The following JAKMIP3 variants were observed in gnomAD, a reference collection of about 807,000 sequenced individuals.
JAKMIP3 encodes Janus kinase and microtubule interacting protein 3, also known as janus kinase and microtubule-interacting protein 3.
In JAKMIP3, 58 loss-of-function variants were observed where a neutral mutation model predicts 118.5. That is an observed-to-expected ratio of 0.49 (90% CI 0.40 to 0.61). The LOEUF (loss-of-function observed/expected upper bound fraction) is 0.61, where lower values mean the gene tolerates loss of function less well. Among genes scored for constraint, JAKMIP3 ranks in the 20% least tolerant of loss-of-function variants. The pLI, the probability that JAKMIP3 is intolerant of heterozygous loss-of-function variation, is 0.00. For synonymous variants in JAKMIP3, 486 were observed against 451.2 expected (o/e 1.08, Z -0.98); for missense variants, 950 against 1,109.0 (o/e 0.86, Z 2.04).
intron 19 of JAKMIP3, among the ~76,000 whole-genome samples, chr10:132,159,749 G>C (rs12218809): frequency 1.5e-4 from 8 of 52,754 alleles, no homozygotes; most frequent in African/African-American, 5.7e-4. Flanking sequence ...ATACTGGGGG[G>C]GCCTCTTCCT....
At chr10:132,161,034 T>TCCCTGTGTGATGCTGGGGGCGTG (rs2058164347) in intron 19 of JAKMIP3, among the ~76,000 whole-genome samples, 1 of 107,600 alleles carries the variant, frequency 9.3e-6, no homozygotes, top group Non-Finnish European at 2.0e-5. Flanking sequence ...GGGGGGCCTC[T>TCCCTGTGTGATGCTGGGGGCGTG]TCCTGTGTGA....
chr10:132,102,409 C>T (rs2045108988), intron 1 of JAKMIP3, among the ~76,000 whole-genome samples: 1 of 152,166 alleles, frequency 6.6e-6, no homozygotes, highest in South Asian at 2.1e-4. Flanking sequence ...GCACCTTCCT[C>T]CCTCTGTACC....
intron 1 of JAKMIP3, among the ~76,000 whole-genome samples, chr10:132,076,219 TC>T (rs1440493426): frequency 6.6e-6 from 1 of 152,166 alleles, no homozygotes; most frequent in Non-Finnish European, 1.5e-5. Context: ...CTCTGTAAAT[TC>T]GCCTCTTCTG....
chr10:132,126,318 T>C (rs9419208), intron 3 of JAKMIP3, among the ~76,000 whole-genome samples: 24,756 of 149,778 alleles, frequency 0.17, 2,153 homozygotes, highest in East Asian at 0.35. Flanking sequence ...TTTTTTTTTT[T>C]CCTGGACACG....
At chr10:132,157,059 C>T (rs2057183651) in intron 19 of JAKMIP3, among the ~76,000 whole-genome samples, 1 of 152,072 alleles carries the variant, frequency 6.6e-6, no homozygotes, top group African/African-American at 2.4e-5. Context: ...AGCGCGGTCC[C>T]CATGCTTATC....
At chr10:132,101,215 T>C (rs1163354263) in intron 1 of JAKMIP3, among the ~76,000 whole-genome samples, 2 of 152,080 alleles carry the variant, frequency 1.3e-5, no homozygotes, top group Non-Finnish European at 2.9e-5. Context: ...TTCTATACTT[T>C]CCCTCCTCCA....
chr10:132,171,649 TTTC>T (rs1303595949), intron 23 of JAKMIP3, among the ~76,000 whole-genome samples: 6 of 122,858 alleles, frequency 4.9e-5, no homozygotes, highest in Admixed American at 1.5e-4. Context: ...TATTTTTTTC[TTTC>T]TTTTTTTTTT....
chr10:132,177,716 C>T (rs2060292879), intron 23 of JAKMIP3, among the ~76,000 whole-genome samples: 1 of 144,086 alleles, frequency 6.9e-6, no homozygotes, highest in Non-Finnish European at 1.5e-5. Context: ...TGCTCTTGTG[C>T]CCTGGGTAGT....
chr10:132,180,636 TGCGTGTGTGCGTGTGC>T lies in JAKMIP3; in HGVS notation c.*1104-1719_*1104-1704del, dbSNP rs1565019639. Among the ~76,000 whole-genome samples the T allele has an allele frequency of 5.6e-4, 9 of 16,036 alleles. 1 individual carries two copies. The East Asian group carries it at 0.03, about 53-fold the overall frequency. 10.5% of individuals were successfully genotyped at this position (16,036 alleles called of 152,430 possible). Reference sequence around the variant, plus strand: ...GTGTGCGTGTGTGTGCGTGTGTGCGTGCGTGTGTGCGTGTGCGTGTGCGTGTGTGCGTGTGTGTGCG... The same window carrying T: ...GTGTGCGTGTGTGTGCGTGTGTGCGTGTGTGCGTGTGTGCGTGTGTGTGCG... On this transcript the variant is annotated intron_variant, in intron 23 of 23. Coordinates refer to ENST00000684848, the MANE Select transcript of JAKMIP3 (RefSeq NM_001323087.2).
At chr10:132,047,859 T>A (rs7911733) in intron 1 of JAKMIP3, among the ~76,000 whole-genome samples, 68,063 of 140,210 alleles carry the variant, frequency 0.49, 16,769 homozygotes, top group East Asian at 0.96. Context: ...CACAGAACTG[T>A]GTGTTCCCCA....
chr10:132,116,049 G>A (rs565313138), intron 2 of JAKMIP3, among the ~76,000 whole-genome samples: 5 of 152,334 alleles, frequency 3.3e-5, no homozygotes, highest in East Asian at 1.9e-4. Flanking sequence ...CCCCCACAGC[G>A]TGTCCTCCCT....
intron 23 of JAKMIP3, among the ~76,000 whole-genome samples, chr10:132,180,299 C>G: frequency 6.6e-6 from 1 of 151,896 alleles, no homozygotes; most frequent in East Asian, 1.9e-4. Flanking sequence ...TTGAGGAGCC[C>G]CATGGAGCCA....
intron 19 of JAKMIP3, 78 bp downstream of exon 19, chr10:132,154,068 T>C: frequency 1.5e-6 from 2 of 1,306,718 alleles, no homozygotes; most frequent in Non-Finnish European, 2.2e-6. Context: ...TGCCCAGCAG[T>C]GCCTCAGGTG....
At chr10:132,110,533 CAT>C (rs2046704605) in intron 2 of JAKMIP3, among the ~76,000 whole-genome samples, 1 of 152,246 alleles carries the variant, frequency 6.6e-6, no homozygotes, top group South Asian at 2.1e-4. Context: ...GTGGGGAGCT[CAT>C]CTCTTTATCA....
chr10:132,113,526 T>G (rs977749339), intron 2 of JAKMIP3, among the ~76,000 whole-genome samples: 3 of 152,234 alleles, frequency 2.0e-5, no homozygotes, highest in Admixed American at 1.3e-4. Context: ...AGGTTGTATT[T>G]ACGCAGCAGA....
intron 3 of JAKMIP3, among the ~76,000 whole-genome samples, chr10:132,124,167 G>T (rs1258787503): frequency 6.6e-6 from 1 of 152,238 alleles, no homozygotes; most frequent in Non-Finnish European, 1.5e-5. Flanking sequence ...GCACTGGGGT[G>T]GGGGCCCAGC....
intron 2 of JAKMIP3, among the ~76,000 whole-genome samples, chr10:132,111,091 A>G (rs1054494154): frequency 6.6e-6 from 1 of 152,238 alleles, no homozygotes; most frequent in African/African-American, 2.4e-5. Flanking sequence ...ATTCACGGCT[A>G]TCACACCTTT....
At chr10:132,131,338 C>T (rs1373145135) in intron 3 of JAKMIP3, among the ~76,000 whole-genome samples, 1 of 149,400 alleles carries the variant, frequency 6.7e-6, no homozygotes, top group Non-Finnish European at 1.5e-5. Flanking sequence ...TTGAGAGACA[C>T]AGGACTTAAC....
At chr10:132,127,914 T>C (rs2049935317) in intron 3 of JAKMIP3, among the ~76,000 whole-genome samples, 1 of 152,238 alleles carries the variant, frequency 6.6e-6, no homozygotes, top group Admixed American at 6.5e-5. Context: ...CAACTCCATT[T>C]ACCCACTTCT....
Sources: allele counts gnomAD v4.1 joint callset (sites outside exome capture counted in the v4.1 genomes callset), GRCh38; gene constraint gnomAD v4.1.1; transcripts MANE v1.5; gene names NCBI Gene and HGNC (gene_info 2026-07-23, HGNC 2026-07-21).